Variants in STK3 observed in about 807,000 individuals in gnomAD.
STK3 encodes the protein serine/threonine-protein kinase 3.
Under a neutral mutation model 58.0 loss-of-function variants are expected in STK3, and 41 were observed. The ratio of observed to expected loss-of-function variants is 0.71; its 90% CI spans 0.55 to 0.92. The LOEUF is 0.92. Ranked by LOEUF, STK3 falls within the 40% of genes least tolerant of loss-of-function variation. The pLI, the probability that STK3 is intolerant of heterozygous loss-of-function variation, is 0.00. For missense variants in STK3, 479 were observed against 602.7 expected (o/e 0.79, Z 2.15); for synonymous variants, 170 against 191.0 (o/e 0.89, Z 0.91).
chr8:98,651,088 C>A (rs1333023360), intron 6 of STK3, among the ~76,000 whole-genome samples: 1 of 152,218 alleles, frequency 6.6e-6, no homozygotes, highest in Non-Finnish European at 1.5e-5. Context: ...CTGGGAGGCA[C>A]CCCCAAGTAG....
chr8:98,792,780 A>T (rs1259764829), intron 1 of STK3, among the ~76,000 whole-genome samples: 1 of 152,216 alleles, frequency 6.6e-6, no homozygotes, highest in Non-Finnish European at 1.5e-5. Context: ...AGAGGAAAAG[A>T]AGTCATTATA....
chr8:98,344,131 G>A, the STK3 span, among the ~76,000 whole-genome samples: 1 of 152,094 alleles, frequency 6.6e-6, no homozygotes, highest in Non-Finnish European at 1.5e-5. Flanking sequence ...AAAGAGACTG[G>A]GCCATGTGGA....
At chr8:98,407,747 TGTGTGTGTGTGC>T (rs1441948406) in intron 3 of STK3, among the ~76,000 whole-genome samples, 12 of 121,322 alleles carry the variant, frequency 9.9e-5, no homozygotes, top group African/African-American at 1.8e-4. Flanking sequence ...TGTGTGTGTG[TGTGTGTGTGTGC>T]GCGCGCGCGC....
chr8:98,382,932 C>T (rs903749471), intron 1 of STK3, among the ~76,000 whole-genome samples: 3 of 152,290 alleles, frequency 2.0e-5, no homozygotes, highest in Non-Finnish European at 4.4e-5. Flanking sequence ...AGCTGGGCCG[C>T]CTGCCTCCCA....
intron 1 of STK3, among the ~76,000 whole-genome samples, chr8:98,893,491 A>C (rs1232456049): frequency 1.3e-5 from 1 of 76,558 alleles, no homozygotes; most frequent in Non-Finnish European, 3.1e-5. Flanking sequence ...AGAAAGAGAA[A>C]GAAAGAAAGA....
intron 10 of STK3, among the ~76,000 whole-genome samples, chr8:98,524,214 C>A (rs1165634668): frequency 9.2e-5 from 14 of 152,332 alleles, no homozygotes; most frequent in Non-Finnish European, 4.4e-5. Context: ...GTCTACATGT[C>A]TGTCTTTCTG....
At chr8:98,858,282 A>G (rs1310892759) in intron 3 of STK3, among the ~76,000 whole-genome samples, 1 of 116,934 alleles carries the variant, frequency 8.6e-6, no homozygotes, top group Non-Finnish European at 1.7e-5. Context: ...CAGTATATAC[A>G]TACATACGTA....
At chr8:98,753,483 G>A (rs568836043) in intron 3 of STK3, among the ~76,000 whole-genome samples, 1 of 152,232 alleles carries the variant, frequency 6.6e-6, no homozygotes, top group South Asian at 2.1e-4. Context: ...GGTGGAAGGT[G>A]GAAGGAGGGA....
At chr8:98,477,772 G>A (rs987106461) in intron 10 of STK3, among the ~76,000 whole-genome samples, 1 of 133,904 alleles carries the variant, frequency 7.5e-6, no homozygotes. Flanking sequence ...AGGACACAGA[G>A]AAAAGCCTTC....
At chr8:98,418,450 G>T (rs1321330601) in intron 3 of STK3, among the ~76,000 whole-genome samples, 1 of 152,236 alleles carries the variant, frequency 6.6e-6, no homozygotes, top group Non-Finnish European at 1.5e-5. Flanking sequence ...GAGGCATCCA[G>T]GGTGTGGGAT....
At chr8:98,438,678 CTATG>C (rs1480479744) in intron 1 of STK3, 5 of 147,684 alleles carry the variant, frequency 3.4e-5, no homozygotes, top group Non-Finnish European at 7.4e-5. Flanking sequence ...ATGTGTGTAT[CTATG>C]TGTGTGTATG....
intron 1 of STK3, among the ~76,000 whole-genome samples, chr8:98,918,993 G>A (rs1839448230): frequency 6.6e-6 from 1 of 151,752 alleles, no homozygotes; most frequent in South Asian, 2.1e-4. Context: ...GCTGGCTAAG[G>A]GAGATGGGCT....
intron 1 of STK3, among the ~76,000 whole-genome samples, chr8:98,814,850 T>G (rs1322751061): frequency 6.6e-6 from 1 of 152,018 alleles, no homozygotes; most frequent in Non-Finnish European, 1.5e-5. Context: ...CCAGCTAATT[T>G]TTGTATTTTT....
At chr8:98,595,261 C>T (rs1484222301) in intron 7 of STK3, 3 of 149,902 alleles carry the variant, frequency 2.0e-5, no homozygotes, top group African/African-American at 7.3e-5. Context: ...TCAATACATC[C>T]TTTTGGAAAA....
chr8:98,516,120 T>C (rs1015702930), intron 10 of STK3, among the ~76,000 whole-genome samples: 8 of 152,136 alleles, frequency 5.3e-5, no homozygotes, highest in African/African-American at 1.7e-4. Context: ...CAATTTCAGA[T>C]GCTGAAGTTT....
At chr8:98,723,659 A>G (rs1188347764) in intron 4 of STK3, among the ~76,000 whole-genome samples, 2 of 152,174 alleles carry the variant, frequency 1.3e-5, no homozygotes, top group South Asian at 2.1e-4. Flanking sequence ...TGCATATAAA[A>G]TGACGCATTA....
chr8:98,490,091 C>T (rs1292404273), intron 10 of STK3, among the ~76,000 whole-genome samples: 3 of 152,076 alleles, frequency 2.0e-5, no homozygotes, highest in Non-Finnish European at 2.9e-5. Flanking sequence ...TATAGTTAGT[C>T]GTAGAGTTTA....
At chr8:98,627,272 G>A (rs1428031182) in intron 6 of STK3, among the ~76,000 whole-genome samples, 1 of 152,056 alleles carries the variant, frequency 6.6e-6, no homozygotes, top group Non-Finnish European at 1.5e-5. Context: ...CCAGCACTTT[G>A]GGAGACTGAG....
At chr8:98,564,268 G>A (rs1048272449) in intron 8 of STK3, among the ~76,000 whole-genome samples, 2 of 152,100 alleles carry the variant, frequency 1.3e-5, no homozygotes, top group Non-Finnish European at 2.9e-5. Context: ...AGGACATTCC[G>A]AGAGGCTGCG....
Sources: allele counts gnomAD v4.1 joint callset (sites outside exome capture counted in the v4.1 genomes callset), GRCh38; gene constraint gnomAD v4.1.1; transcripts MANE v1.5; gene names NCBI Gene and HGNC (gene_info 2026-07-23, HGNC 2026-07-21).